The following TMPRSS7 variants were observed in gnomAD, a reference collection of about 807,000 sequenced individuals.
TMPRSS7 encodes the protein transmembrane serine protease 7.
Under a neutral mutation model 95.6 loss-of-function variants are expected in TMPRSS7, and 81 were observed. That is an observed-to-expected ratio of 0.85 (90% CI 0.71 to 1.02). The LOEUF (loss-of-function observed/expected upper bound fraction) is 1.02, where lower values mean the gene tolerates loss of function less well. Ranked by LOEUF, TMPRSS7 falls within the 50% of genes least tolerant of loss-of-function variation. The probability of loss-of-function intolerance (pLI) is 0.00; values close to 1 mark genes in which losing one functional copy is unlikely to be tolerated. For synonymous variants in TMPRSS7, 364 were observed against 337.8 expected, an observed-to-expected ratio of 1.08 and a Z score of -0.85; for missense variants, 945 against 955.2, an observed-to-expected ratio of 0.99 and a Z score of 0.14.
intron 2 of TMPRSS7, among the ~76,000 whole-genome samples, chr3:112,038,683 T>A (rs1023563582): frequency 6.6e-6 from 1 of 152,190 alleles, no homozygotes; most frequent in Non-Finnish European, 1.5e-5. Flanking sequence ...GTTCTCACTA[T>A]GATGCCCAGG....
intron 12 of TMPRSS7, among the ~76,000 whole-genome samples, chr3:112,064,174 A>G (rs2073546857): frequency 6.6e-6 from 1 of 152,178 alleles, no homozygotes; most frequent in South Asian, 2.1e-4. Flanking sequence ...ATCTGTGGCT[A>G]ATAATTTAAT....
chr3:112,034,757 G>A (rs988996352), upstream of TMPRSS7: 42 of 683,924 alleles, frequency 6.1e-5, no homozygotes, highest in Admixed American at 6.8e-4. Flanking sequence ...ATGCGGTGAC[G>A]GTTCTCTCAA....
intron 1 of TMPRSS7, among the ~76,000 whole-genome samples, chr3:112,036,022 G>A (rs745867092): frequency 1.2e-4 from 19 of 152,196 alleles, no homozygotes; most frequent in Admixed American, 3.9e-4. Flanking sequence ...CCCTACAACC[G>A]TATGTAAACA....
intron 11 of TMPRSS7, among the ~76,000 whole-genome samples, chr3:112,063,296 G>A (rs1246198943): frequency 6.6e-6 from 1 of 152,186 alleles, no homozygotes; most frequent in Non-Finnish European, 1.5e-5. Flanking sequence ...CCTGAATGCA[G>A]TGCTCACAGA....
intron 1 of TMPRSS7, 117 bp from the exon 2 acceptor site, chr3:112,037,955 G>A: frequency 6.6e-6 from 4 of 607,638 alleles, no homozygotes; most frequent in Non-Finnish European, 1.2e-5. Flanking sequence ...ACATAAATAT[G>A]AATGCTTAAA....
intron 13 of TMPRSS7, among the ~76,000 whole-genome samples, chr3:112,073,375 G>A (rs112182064): frequency 6.6e-6 from 1 of 151,994 alleles, no homozygotes; most frequent in Admixed American, 6.6e-5. Context: ...ATTACAGGCA[G>A]GAGCCACCTG....
At chr3:112,064,838 G>A (rs1449622866) in intron 12 of TMPRSS7, among the ~76,000 whole-genome samples, 1 of 152,034 alleles carries the variant, frequency 6.6e-6, no homozygotes, top group Admixed American at 6.6e-5. Context: ...CTAGTTTCAG[G>A]GAGCAATATG....
chr3:112,038,462 G>A (rs1341261395), intron 2 of TMPRSS7, 141 bp downstream of exon 2: 2 of 598,026 alleles, frequency 3.3e-6, no homozygotes, highest in Admixed American at 6.0e-5. Flanking sequence ...CAAAACTGGT[G>A]TTGATGGTTT....
At chr3:112,072,373 T>G (rs751399332) in intron 13 of TMPRSS7, among the ~76,000 whole-genome samples, 9 of 152,164 alleles carry the variant, frequency 5.9e-5, no homozygotes, top group Non-Finnish European at 1.2e-4. Context: ...CTATATGAGG[T>G]GTCTCTTGGC....
intron 9 of TMPRSS7, among the ~76,000 whole-genome samples, chr3:112,055,454 G>GACACACACACACACACACACACACAC (rs142185504): frequency 6.7e-6 from 1 of 148,842 alleles, no homozygotes; most frequent in Non-Finnish European, 1.5e-5. Flanking sequence ...CACTTGCGCA[G>GACACACACACACACACACACACACAC]ACACACACAC....
At chr3:112,075,732 G>A (rs56060014) in intron 15 of TMPRSS7, among the ~76,000 whole-genome samples, 1 of 152,208 alleles carries the variant, frequency 6.6e-6, no homozygotes, top group Non-Finnish European at 1.5e-5. Flanking sequence ...AAATAAGATA[G>A]GGCTTTTAAC....
intron 5 of TMPRSS7, 85 bp downstream of exon 5, chr3:112,046,028 G>T: frequency 2.1e-5 from 25 of 1,163,762 alleles, no homozygotes; most frequent in Middle Eastern, 2.8e-4. Context: ...TTGTAATGAA[G>T]CATTACAATG....
In TMPRSS7 at chr3:112,047,026, T is replaced by C. The variant is rs1237228204; in HGVS notation, c.730+14T>C. ...CCATAGGATCTGGTAAATTCTTTCATGTGGTTCCCCCTCCCCCCATGTTAA... is the reference window on the plus strand; with the variant it reads ...CCATAGGATCTGGTAAATTCTTTCACGTGGTTCCCCCTCCCCCCATGTTAA... On this transcript the variant is annotated intron_variant, in intron 6 of 17. Coordinates refer to ENST00000452346, the Ensembl canonical transcript of TMPRSS7. 1.1e-5 allele frequency: 8 copies of C among 702,482 alleles called. No individual in the cohort carries two copies. Among genetic ancestry groups the C allele is most frequent in the Non-Finnish European group, 2.1e-5 (8 of 384,838 alleles). The allele number at this position is 702,482 out of a possible 1,614,324, so 43.5% of individuals were successfully genotyped here.
At chr3:112,062,037 C>G (rs142153365) in intron 11 of TMPRSS7, 114 bp downstream of exon 11, 1 of 594,078 alleles carries the variant, frequency 1.7e-6, no homozygotes, top group East Asian at 3.8e-5. Context: ...TCTGCTATTT[C>G]CTTTTACATA....
intron 10 of TMPRSS7, 47 bp downstream of exon 10, chr3:112,057,178 G>A: frequency 7.4e-7 from 1 of 1,343,920 alleles, no homozygotes; most frequent in South Asian, 1.2e-5. Context: ...CTGATGAAAA[G>A]TTCATAGCTG....
At chr3:112,042,784 A>G (rs1326116242) in intron 3 of TMPRSS7, among the ~76,000 whole-genome samples, 1 of 152,242 alleles carries the variant, frequency 6.6e-6, no homozygotes, top group African/African-American at 2.4e-5. Context: ...AAACTGCCAC[A>G]TTCTTTGTGA....
chr3:112,044,353 G>T, intron 4 of TMPRSS7, 31 bp downstream of exon 4: 1 of 1,521,226 alleles, frequency 6.6e-7, no homozygotes, highest in Non-Finnish European at 8.9e-7. Context: ...TGAGATTTCT[G>T]TGTTCATTGT....
At chr3:112,040,046 C>T (rs1576095406) in intron 2 of TMPRSS7, among the ~76,000 whole-genome samples, 1 of 152,120 alleles carries the variant, frequency 6.6e-6, no homozygotes, top group African/African-American at 2.4e-5. Flanking sequence ...CCCCTGCCCC[C>T]ACCCCCACAT....
intron 2 of TMPRSS7, among the ~76,000 whole-genome samples, chr3:112,041,255 C>T (rs1353450647): frequency 1.3e-5 from 2 of 152,126 alleles, no homozygotes. Context: ...TTACCCCGTG[C>T]TTCCTCCTCC....
Sources: gnomAD v4.1 joint callset for allele counts (sites outside exome capture counted in the v4.1 genomes callset) on GRCh38, gnomAD v4.1.1 for gene constraint, MANE v1.5 for transcripts, NCBI Gene and HGNC (gene_info 2026-07-23, HGNC 2026-07-21) for gene names.